Variants in FSTL5 observed in about 807,000 individuals in gnomAD.
FSTL5 encodes the protein follistatin like 5.
A neutral mutation model predicts 89.1 loss-of-function variants in FSTL5; 62 were observed. That is an observed-to-expected ratio of 0.70 (90% CI 0.57 to 0.86). FSTL5 has a LOEUF of 0.86. FSTL5 is among the 40% of genes least tolerant of loss of function. The pLI is 0.00. For synonymous variants in FSTL5, 383 were observed against 346.2 expected, an observed-to-expected ratio of 1.11 and a Z score of -1.18; for missense variants, 1,057 against 1,001.6, an observed-to-expected ratio of 1.06 and a Z score of -0.75.
At chr4:162,000,520 C>T (rs1736430523) in intron 3 of FSTL5, among the ~76,000 whole-genome samples, 1 of 151,620 alleles carries the variant, frequency 6.6e-6, no homozygotes, top group South Asian at 2.1e-4. Flanking sequence ...ATTGCCTGAA[C>T]CAGGGAGGTG....
chr4:162,149,748 C>A (rs1733154248), intron 1 of FSTL5, among the ~76,000 whole-genome samples: 1 of 152,070 alleles, frequency 6.6e-6, no homozygotes. Context: ...TATATAAGCA[C>A]ACACATATAG....
intron 2 of FSTL5, among the ~76,000 whole-genome samples, chr4:162,094,460 A>G (rs1167948542): frequency 6.6e-6 from 1 of 152,190 alleles, no homozygotes; most frequent in Non-Finnish European, 1.5e-5. Flanking sequence ...AACCAGAAAC[A>G]ACCCAAATTT....
chr4:161,563,976 C>A (rs957926490), intron 8 of FSTL5, among the ~76,000 whole-genome samples: 9 of 151,602 alleles, frequency 5.9e-5, no homozygotes, highest in Admixed American at 2.0e-4. Context: ...AATGCTTATG[C>A]GTTAAAATAT....
chr4:161,692,779 A>G (rs1737987844), intron 6 of FSTL5, among the ~76,000 whole-genome samples: 1 of 152,110 alleles, frequency 6.6e-6, no homozygotes, highest in Non-Finnish European at 1.5e-5. Context: ...GGTGGAGTGC[A>G]GTGGCGCTAT....
At position 161,404,389 on chromosome 4, in the gene FSTL5, G is replaced by A. The variant is rs139570111; in HGVS notation, c.1842-17940C>T. 1.3e-3 allele frequency among the ~76,000 whole-genome samples: 193 copies of A among 152,060 alleles called. 1 individual carries two copies. The highest frequency in any genetic ancestry group is 7.3e-3 in the South Asian group (35 of 4,806). ...TGGAGATCCCAGATAAACGAGGCAG[G>A]ACACATGTTCAATGAGACCTAGAAG... is the stretch of plus-strand genomic sequence containing the variant. On this transcript the variant is annotated intron_variant, in intron 15 of 15. Coordinates refer to ENST00000306100, the MANE Select transcript of FSTL5 (RefSeq NM_020116.5).
intron 2 of FSTL5, among the ~76,000 whole-genome samples, chr4:162,095,830 T>C (rs1730728011): frequency 6.6e-6 from 1 of 151,988 alleles, no homozygotes; most frequent in African/African-American, 2.4e-5. Context: ...ATGCTTGCGG[T>C]AGAAATGTGT....
At chr4:161,563,938 T>C (rs986405384) in intron 8 of FSTL5, among the ~76,000 whole-genome samples, 1 of 151,934 alleles carries the variant, frequency 6.6e-6, no homozygotes, top group East Asian at 1.9e-4. Context: ...AAAATTGTCA[T>C]AGTAGGGTGC....
chr4:161,458,615 A>T (rs1733447132), intron 14 of FSTL5, among the ~76,000 whole-genome samples: 1 of 152,208 alleles, frequency 6.6e-6, no homozygotes, highest in Admixed American at 6.5e-5. Flanking sequence ...AATATAAAGC[A>T]CATTTCCAGG....
chr4:161,391,865 T>C (rs1005699100), intron 15 of FSTL5, among the ~76,000 whole-genome samples: 4 of 152,184 alleles, frequency 2.6e-5, no homozygotes, highest in African/African-American at 9.6e-5. Context: ...TTCCAAAGCA[T>C]AGGTTAAAGA....
At chr4:161,708,288 C>T (rs1291135086) in intron 6 of FSTL5, among the ~76,000 whole-genome samples, 2 of 151,940 alleles carry the variant, frequency 1.3e-5, no homozygotes, top group African/African-American at 2.4e-5. Flanking sequence ...AATTATTCCG[C>T]TGCCCTGTCT....
intron 8 of FSTL5, among the ~76,000 whole-genome samples, chr4:161,579,421 A>G (rs1733347358): frequency 6.6e-6 from 1 of 152,186 alleles, no homozygotes; most frequent in Non-Finnish European, 1.5e-5. Context: ...GAAATATTGA[A>G]TAAAGAATGA....
chr4:161,687,784 G>C (rs1386899374), intron 6 of FSTL5, among the ~76,000 whole-genome samples: 1 of 152,120 alleles, frequency 6.6e-6, no homozygotes, highest in Non-Finnish European at 1.5e-5. Flanking sequence ...TATCAACAGA[G>C]GGAAAATGTT....
rs149877770 is a variant in FSTL5 at position 161,815,593 on chromosome 4, A to T, written c.410-39519T>A. Among the ~76,000 whole-genome samples the T allele has an allele frequency of 6.0e-4, 91 of 152,166 alleles. 1 individual carries two copies. Among genetic ancestry groups the T allele is most frequent in the African/African-American group, 2.0e-3 (84 of 41,546 alleles). On this transcript the variant is annotated intron_variant, in intron 4 of 15. Transcript: ENST00000306100. ...TTTGCCAAAGATAGATCTATTTATT[A>T]CCTATTTCATCCTAATTTAAGTGAC... is the stretch of plus-strand genomic sequence containing the variant.
At position 161,384,183 on chromosome 4, in the gene FSTL5, A is replaced by C. The variant is rs952145805; in HGVS notation, c.*1564T>G. The C allele has an allele frequency of 3.3e-5, 5 of 152,208 alleles. No homozygotes were observed. Among genetic ancestry groups the C allele is most frequent in the Non-Finnish European group, 5.9e-5 (4 of 68,018 alleles). The allele number at this position is 152,208 out of a possible 1,614,324, so 9.4% of individuals were successfully genotyped here. The stretch of plus-strand genomic sequence containing the variant: ...ACACAGCTCAGGATGCTATATACAC[A>C]TAAGATATTACACACTATAAAATTT... On this transcript the variant is annotated 3_prime_UTR_variant, in exon 16 of 16. Coordinates refer to ENST00000306100, the MANE Select transcript of FSTL5 (RefSeq NM_020116.5).
chr4:161,533,683 A>C (rs1731499362), intron 10 of FSTL5, among the ~76,000 whole-genome samples: 1 of 152,038 alleles, frequency 6.6e-6, no homozygotes, highest in African/African-American at 2.4e-5. Flanking sequence ...GAAACTATTC[A>C]AAAAAATTGA....
rs1432942267 is a variant in FSTL5 at position 161,941,637 on chromosome 4, TAAAC to T, written c.161-20989_161-20986del. ...ATATATGCACCAAATCTCAGAGCCCTAAACTACATGAAGGGACCTTGGCAGCATT... is the reference window on the plus strand; with the variant it reads ...ATATATGCACCAAATCTCAGAGCCCTTACATGAAGGGACCTTGGCAGCATT... On this transcript the variant is annotated intron_variant, in intron 3 of 15. Transcript: ENST00000306100. Among the ~76,000 whole-genome samples the T allele has an allele frequency of 3.3e-5, 5 of 152,046 alleles. No individual in the cohort carries two copies. The South Asian group carries it at 8.3e-4, about 25-fold the overall frequency.
chr4:161,602,375 T>C (rs951070285), intron 7 of FSTL5, among the ~76,000 whole-genome samples: 1 of 151,668 alleles, frequency 6.6e-6, no homozygotes, highest in African/African-American at 2.4e-5. Flanking sequence ...TGAATATAGG[T>C]GAATGGACAT....
intron 2 of FSTL5, among the ~76,000 whole-genome samples, chr4:162,109,877 TGGGTA>T (rs1235769379): frequency 3.9e-5 from 6 of 152,156 alleles, no homozygotes; most frequent in Non-Finnish European, 5.9e-5. Context: ...AAATATTCAA[TGGGTA>T]CATAACAATA....
chr4:161,671,061 C>A (rs547500308), intron 6 of FSTL5, among the ~76,000 whole-genome samples: 4 of 152,274 alleles, frequency 2.6e-5, no homozygotes, highest in Non-Finnish European at 5.9e-5. Context: ...CAGTCCAGCT[C>A]TAATCAGCTA....
Sources: gnomAD v4.1 joint callset for allele counts (sites outside exome capture counted in the v4.1 genomes callset) on GRCh38, gnomAD v4.1.1 for gene constraint, MANE v1.5 for transcripts, NCBI Gene and HGNC (gene_info 2026-07-23, HGNC 2026-07-21) for gene names.